The following RPS6KC1 variants were observed in gnomAD, a reference collection of about 807,000 sequenced individuals.
RPS6KC1 encodes the protein inactive ribosomal protein S6 kinase delta-1.
A neutral mutation model predicts 103.8 loss-of-function variants in RPS6KC1; 54 were observed. That is an observed-to-expected ratio of 0.52 (90% CI 0.42 to 0.65). The LOEUF (loss-of-function observed/expected upper bound fraction) is 0.65. Among genes scored for constraint, RPS6KC1 ranks in the 30% least tolerant of loss-of-function variants. RPS6KC1 has a pLI of 0.00. For synonymous variants in RPS6KC1, 439 were observed against 438.7 expected (o/e 1.00, Z -0.01); for missense variants, 1,151 against 1,253.8 (o/e 0.92, Z 1.24).
chr1:213,278,876 A>G (rs1030421946), downstream of RPS6KC1, among the ~76,000 whole-genome samples: 1 of 152,028 alleles, frequency 6.6e-6, no homozygotes, highest in African/African-American at 2.4e-5. Context: ...ATTTTTAAAC[A>G]TAAGATTTTT....
intron 1 of RPS6KC1, among the ~76,000 whole-genome samples, chr1:213,057,948 A>G (rs1424388155): frequency 6.6e-6 from 1 of 150,402 alleles, no homozygotes; most frequent in Non-Finnish European, 1.5e-5. Flanking sequence ...GTATTTTTTA[A>G]ATAGAGACCC....
chr1:213,454,856 C>T, the RPS6KC1 span, among the ~76,000 whole-genome samples: 2 of 152,302 alleles, frequency 1.3e-5, no homozygotes, highest in East Asian at 1.9e-4. Flanking sequence ...TAAAAATACA[C>T]GGCAGAGCTA....
At chr1:213,290,937 C>A in the RPS6KC1 span, among the ~76,000 whole-genome samples, 2 of 152,308 alleles carry the variant, frequency 1.3e-5, no homozygotes, top group South Asian at 4.2e-4. Flanking sequence ...AATCTCACTG[C>A]AAATGGCAGT....
chr1:213,862,728 T>C, the RPS6KC1 span, among the ~76,000 whole-genome samples: 5 of 152,234 alleles, frequency 3.3e-5, no homozygotes, highest in Non-Finnish European at 5.9e-5. Flanking sequence ...GACCACTAAT[T>C]ATCAAAATTG....
At chr1:213,058,758 A>G (rs142038440) in intron 1 of RPS6KC1, among the ~76,000 whole-genome samples, 218 of 152,192 alleles carry the variant, frequency 1.4e-3, no homozygotes, top group African/African-American at 5.0e-3. Context: ...TTTTTCATAT[A>G]TATTTTAGAA....
chr1:213,212,288 G>T (rs1407649655), intron 8 of RPS6KC1, among the ~76,000 whole-genome samples: 1 of 151,682 alleles, frequency 6.6e-6, no homozygotes, highest in African/African-American at 2.4e-5. Flanking sequence ...TATCTCCACA[G>T]TTTTGCCTTT....
chr1:213,542,333 G>T, the RPS6KC1 span, among the ~76,000 whole-genome samples: 1 of 152,178 alleles, frequency 6.6e-6, no homozygotes, highest in Admixed American at 6.5e-5. Flanking sequence ...CATTGATCTT[G>T]TTGGGCATAC....
chr1:213,129,905 T>G lies in RPS6KC1; in HGVS notation c.835+16T>G. ...GGTGTTCAAGGTATGGTTTTATGTA[T>G]ATTATGTTTTGGCATGCTCTTTTGT... On this transcript the variant is annotated intron_variant, in intron 6 of 14. Transcript: ENST00000366960. The G allele has an allele frequency of 6.4e-7, 1 of 1,561,230 alleles. No individual in the cohort carries two copies.
the RPS6KC1 span, among the ~76,000 whole-genome samples, chr1:213,573,335 T>C: frequency 1.3e-5 from 2 of 152,152 alleles, no homozygotes; most frequent in South Asian, 4.1e-4. Flanking sequence ...ATGGAAGCCA[T>C]TGAAGAAAAC....
At chr1:213,366,036 G>A in the RPS6KC1 span, among the ~76,000 whole-genome samples, 1 of 152,214 alleles carries the variant, frequency 6.6e-6, no homozygotes, top group Non-Finnish European at 1.5e-5. Flanking sequence ...TAAAGTGGGA[G>A]CAATACCTGG....
intron 10 of RPS6KC1, among the ~76,000 whole-genome samples, chr1:213,237,925 C>T (rs895448967): frequency 3.3e-5 from 5 of 151,630 alleles, no homozygotes; most frequent in Admixed American, 6.6e-5. Flanking sequence ...GAACGTACGG[C>T]CCCCAAAATG....
intron 6 of RPS6KC1, among the ~76,000 whole-genome samples, chr1:213,137,799 A>AAAATTT (rs2086534262): frequency 7.1e-5 from 1 of 13,988 alleles, no homozygotes; most frequent in African/African-American, 1.8e-4. Context: ...ATATATATAT[A>AAAATTT]TTTTTTTTTT....
the RPS6KC1 span, among the ~76,000 whole-genome samples, chr1:213,844,593 A>G: frequency 3.3e-5 from 5 of 152,336 alleles, no homozygotes; most frequent in South Asian, 2.1e-4. Context: ...AAGCCCTGAT[A>G]TGGTCTTCCC....
the RPS6KC1 span, among the ~76,000 whole-genome samples, chr1:213,617,886 G>T: frequency 7.2e-5 from 11 of 152,216 alleles, no homozygotes; most frequent in African/African-American, 2.7e-4. Context: ...AGGAGATTTA[G>T]ACAGAGGGGT....
intron 8 of RPS6KC1, among the ~76,000 whole-genome samples, chr1:213,222,824 A>G (rs2093868670): frequency 6.6e-6 from 1 of 152,226 alleles, no homozygotes; most frequent in African/African-American, 2.4e-5. Flanking sequence ...GAGGAAAGCA[A>G]AGTTTTAATG....
chr1:213,344,265 TG>T, the RPS6KC1 span, among the ~76,000 whole-genome samples: 6 of 152,292 alleles, frequency 3.9e-5, no homozygotes, highest in Admixed American at 6.5e-5. Flanking sequence ...CCAAGAGGAA[TG>T]TTTTTAAGAA....
chr1:213,612,017 A>G, the RPS6KC1 span, among the ~76,000 whole-genome samples: 1 of 152,220 alleles, frequency 6.6e-6, no homozygotes, highest in Non-Finnish European at 1.5e-5. Context: ...AGGAGGGAAG[A>G]CACAGCTTCT....
chr1:213,616,310 A>G, the RPS6KC1 span, among the ~76,000 whole-genome samples: 1 of 152,202 alleles, frequency 6.6e-6, no homozygotes, highest in African/African-American at 2.4e-5. Flanking sequence ...CGCCTCTTGC[A>G]GAGGCACTGG....
At chr1:213,659,120 ACACCTGG>A in the RPS6KC1 span, among the ~76,000 whole-genome samples, 3 of 152,024 alleles carry the variant, frequency 2.0e-5, no homozygotes, top group South Asian at 6.2e-4. Context: ...GCCTGCCATG[ACACCTGG>A]CTAGTTTTTG....
Sources: gnomAD v4.1 joint callset for allele counts (sites outside exome capture counted in the v4.1 genomes callset) on GRCh38, gnomAD v4.1.1 for gene constraint, MANE v1.5 for transcripts, NCBI Gene and HGNC (gene_info 2026-07-23, HGNC 2026-07-21) for gene names.